TARP: variants seen among roughly 807,000 people sequenced by gnomAD.
At chr7:38,273,552 C>T in the TARP span, 6 of 1,527,200 alleles carry the variant, frequency 3.9e-6, no homozygotes, top group Admixed American at 3.4e-5. Flanking sequence ...GCCTCCCATC[C>T]CTTCTTTACA....
the TARP span, among the ~76,000 whole-genome samples, chr7:38,268,972 T>C: frequency 8.6e-5 from 13 of 151,626 alleles, no homozygotes; most frequent in African/African-American, 2.9e-4. Context: ...TGTGCAATTC[T>C]TATACAACCC....
the TARP span, among the ~76,000 whole-genome samples, chr7:38,272,971 T>C: frequency 6.6e-6 from 1 of 151,408 alleles, no homozygotes; most frequent in Non-Finnish European, 1.5e-5. Flanking sequence ...TTTGTGAAAA[T>C]TCTCTGAAAA....
At chr7:38,268,008 C>T in the TARP span, among the ~76,000 whole-genome samples, 1 of 151,214 alleles carries the variant, frequency 6.6e-6, no homozygotes. Context: ...ACTTCCAAAA[C>T]TTTCTCAACG....
chr7:38,268,030 G>A, the TARP span, among the ~76,000 whole-genome samples: 17 of 151,018 alleles, frequency 1.1e-4, no homozygotes, highest in East Asian at 9.7e-4. Flanking sequence ...AGTAGTTAAC[G>A]AATCATTAAA....
At chr7:38,261,343 G>T in the TARP span, among the ~76,000 whole-genome samples, 2 of 151,588 alleles carry the variant, frequency 1.3e-5, no homozygotes, top group Admixed American at 6.6e-5. Flanking sequence ...CATGTATAGG[G>T]ATTTTTATAA....
chr7:38,265,615 G>A, the TARP span: 4 of 1,611,344 alleles, frequency 2.5e-6, no homozygotes, highest in Admixed American at 3.3e-5. Context: ...CTGGAGCTTT[G>A]TTTCAGCAAT....
At chr7:38,265,532 T>G in the TARP span, 17 of 1,612,162 alleles carry the variant, frequency 1.1e-5, no homozygotes, top group African/African-American at 2.3e-4. Context: ...GTGTTGCTCT[T>G]CTTTTCTTGC....
At chr7:38,264,373 T>C in the TARP span, among the ~76,000 whole-genome samples, 1 of 151,432 alleles carries the variant, frequency 6.6e-6, no homozygotes, top group Non-Finnish European at 1.5e-5. Context: ...GATGGATCAC[T>C]TGAGGTCAGG....
chr7:38,270,864 C>A, the TARP span, among the ~76,000 whole-genome samples: 1 of 150,828 alleles, frequency 6.6e-6, no homozygotes, highest in Non-Finnish European at 1.5e-5. Context: ...AAGGCACTGC[C>A]CACTCTTCCA....
the TARP span, chr7:38,265,230 A>G: frequency 2.5e-6 from 2 of 789,480 alleles, no homozygotes; most frequent in Admixed American, 5.7e-5. Flanking sequence ...TTATGCTACC[A>G]TTAAATGTAA....
At chr7:38,269,975 G>T in the TARP span, among the ~76,000 whole-genome samples, 3 of 151,770 alleles carry the variant, frequency 2.0e-5, no homozygotes, top group South Asian at 4.2e-4. Context: ...TGATGTGCAC[G>T]ACTGTAGGCC....
At chr7:38,262,330 G>A in the TARP span, 1 of 780,740 alleles carries the variant, frequency 1.3e-6, no homozygotes, top group Non-Finnish European at 2.2e-6. Context: ...TTAAAAATAT[G>A]AGCCCACAAT....
At chr7:38,268,589 C>G in the TARP span, among the ~76,000 whole-genome samples, 2 of 150,794 alleles carry the variant, frequency 1.3e-5, no homozygotes, top group African/African-American at 2.4e-5. Context: ...GGCTATAAAT[C>G]TTAGGACCAA....
the TARP span, among the ~76,000 whole-genome samples, chr7:38,266,958 G>T: frequency 6.6e-6 from 1 of 151,608 alleles, no homozygotes; most frequent in Non-Finnish European, 1.5e-5. Context: ...TTTTGCTTCA[G>T]AAAATATTCA....
At chr7:38,271,898 G>A in the TARP span, among the ~76,000 whole-genome samples, 1 of 151,274 alleles carries the variant, frequency 6.6e-6, no homozygotes, top group Non-Finnish European at 1.5e-5. Flanking sequence ...AACTTTGAAA[G>A]TATGAACCAG....
At chr7:38,265,269 T>G in the TARP span, 14 of 1,065,050 alleles carry the variant, frequency 1.3e-5, no homozygotes, top group Non-Finnish European at 1.9e-5. Flanking sequence ...TATGTTTGTT[T>G]TTCATTAATA....
At chr7:38,267,853 C>T in the TARP span, among the ~76,000 whole-genome samples, 2 of 151,380 alleles carry the variant, frequency 1.3e-5, no homozygotes, top group African/African-American at 4.9e-5. Context: ...TGAAATACTT[C>T]TAATTCATTG....
the TARP span, among the ~76,000 whole-genome samples, chr7:38,265,878 C>T: frequency 3.3e-5 from 5 of 151,454 alleles, no homozygotes; most frequent in Non-Finnish European, 7.4e-5. Context: ...AGAATCAAGA[C>T]ATTAAATAAC....
At chr7:38,265,649 T>C in the TARP span, 4 of 1,606,510 alleles carry the variant, frequency 2.5e-6, no homozygotes, top group Non-Finnish European at 3.4e-6. Flanking sequence ...ATAGTGGGCT[T>C]GGGGGAAACA....
Sources: allele counts gnomAD v4.1 joint callset (sites outside exome capture counted in the v4.1 genomes callset), GRCh38; gene constraint gnomAD v4.1.1; transcripts MANE v1.5.